Variants in TBC1D2B observed in about 807,000 individuals in gnomAD.
TBC1D2B encodes the protein TBC1 domain family, member 2B.
Under a neutral mutation model 100.8 loss-of-function variants are expected in TBC1D2B, and 64 were observed. The observed-to-expected ratio is 0.64, with a 90% CI of 0.52 to 0.78. The LOEUF is 0.78. Among genes scored for constraint, TBC1D2B ranks in the 30% least tolerant of loss-of-function variants. The pLI is 0.00. For synonymous variants in TBC1D2B, 480 were observed against 479.7 expected, an observed-to-expected ratio of 1.00 and a Z score of -0.01; for missense variants, 1,052 against 1,218.4, an observed-to-expected ratio of 0.86 and a Z score of 2.03.
In TBC1D2B at chr15:77,996,660, T is replaced by C. The variant is rs1191489541; in HGVS notation, c.*1500A>G. On this transcript the variant is annotated 3_prime_UTR_variant, in exon 13 of 13. Transcript: ENST00000300584. ...CACGAAGCCGGAGCTCACTCTAGCA[T>C]GTGCTGAAACACCAACTTTGCCGTG... The C allele has an allele frequency of 1.3e-5, 2 of 152,394 alleles. No homozygotes were observed. Among genetic ancestry groups the C allele is most frequent in the East Asian group, 3.9e-4 (2 of 5,190 alleles). The allele number at this position is 152,394 out of a possible 1,614,324, so 9.4% of individuals were successfully genotyped here.
chr15:78,070,917 G>A (rs188711266), intron 1 of TBC1D2B, among the ~76,000 whole-genome samples: 361 of 152,310 alleles, frequency 2.4e-3, no homozygotes, highest in Non-Finnish European at 3.7e-3. Flanking sequence ...CTGTTTCCTG[G>A]GTTCAAGCAA....
intron 3 of TBC1D2B, among the ~76,000 whole-genome samples, chr15:78,040,896 A>AAGAGAGAGAGAG (rs2073079232): frequency 6.9e-6 from 1 of 145,334 alleles, no homozygotes; most frequent in East Asian, 2.1e-4. Context: ...GAGAGAGAGA[A>AAGAGAGAGAGAG]AGAAAGAAAG....
intron 10 of TBC1D2B, among the ~76,000 whole-genome samples, chr15:78,007,594 C>T (rs934232999): frequency 1.3e-5 from 2 of 152,286 alleles, no homozygotes; most frequent in East Asian, 3.9e-4. Context: ...ATGCAAAGAA[C>T]ACTTGCTCAG....
At position 78,013,250 on chromosome 15, in the gene TBC1D2B, C is replaced by A. The variant is rs913797491; in HGVS notation, c.1843G>T (p.Val615Phe). The A allele has an allele frequency of 1.2e-6, 2 of 1,613,874 alleles. No individual in the cohort carries two copies. Among genetic ancestry groups the A allele is most frequent in the Non-Finnish European group, 1.7e-6 (2 of 1,179,900 alleles). Residue 615 changes from valine to phenylalanine, a missense_variant, in exon 9 of 13, where the codon GTC (valine) becomes TTC (phenylalanine). Transcript: ENST00000300584. Reference sequence around the variant, plus strand: ...AGAGTCTTCAGATCCAACGCGCGGACCTTGGCAACCAATTTCTCTTCCTCA... The same window carrying A: ...AGAGTCTTCAGATCCAACGCGCGGAACTTGGCAACCAATTTCTCTTCCTCA... ...DDEEEKLVAK[V>F]RALDLKTLYL...
rs144284088 is a variant in TBC1D2B at position 77,998,221 on chromosome 15, C to A, written c.2831G>T (p.Arg944Leu). Residue 944 changes from arginine (R) to leucine (L), a missense_variant, in exon 13 of 13, where the codon CGT becomes CTT. Arg to Leu is a moderately radical substitution (Grantham distance 102, BLOSUM62 -2). Coordinates refer to ENST00000300584, the MANE Select transcript of TBC1D2B (RefSeq NM_144572.2). Reference protein sequence around the residue: ...ELEAIREDFLRERDTSPDKGE... With the variant: ...ELEAIREDFLLERDTSPDKGE... ...CTTGTCAGGGCTGGTGTCCCGCTCA[C>A]GCAGGAAGTCCTCACGGATGGCCTC... 6.4e-7 allele frequency: 1 copy of A among 1,570,586 alleles called. No individual in the cohort carries two copies. Among genetic ancestry groups the A allele is most frequent in the Non-Finnish European group, 8.6e-7 (1 of 1,158,448 alleles).
chr15:78,038,177 G>A (rs1011786751), intron 3 of TBC1D2B, among the ~76,000 whole-genome samples: 3 of 152,202 alleles, frequency 2.0e-5, no homozygotes, highest in African/African-American at 7.2e-5. Context: ...CACCCACCAT[G>A]AGCCAGGCAG....
chr15:78,046,726 C>T (rs1451701727), intron 2 of TBC1D2B, among the ~76,000 whole-genome samples: 1 of 152,078 alleles, frequency 6.6e-6, no homozygotes, highest in East Asian at 1.9e-4. Context: ...TCCACCTTGG[C>T]GTCCCAAAGT....
At chr15:78,068,476 G>A (rs2073696893) in intron 1 of TBC1D2B, among the ~76,000 whole-genome samples, 1 of 151,776 alleles carries the variant, frequency 6.6e-6, no homozygotes, top group Admixed American at 6.6e-5. Context: ...AACAGGTGCT[G>A]GGATCCTCTA....
intron 1 of TBC1D2B, among the ~76,000 whole-genome samples, chr15:78,073,366 T>C (rs747298369): frequency 2.0e-5 from 3 of 152,290 alleles, no homozygotes; most frequent in East Asian, 1.9e-4. Context: ...GAAAAACATA[T>C]GATAATAGAA....
chr15:78,048,255 G>C (rs1236977439), intron 2 of TBC1D2B, among the ~76,000 whole-genome samples: 6 of 152,192 alleles, frequency 3.9e-5, no homozygotes, highest in African/African-American at 1.4e-4. Context: ...CTCTTTTCCA[G>C]CTTAATACAT....
intron 11 of TBC1D2B, 66 bp downstream of exon 11, chr15:78,003,239 G>T (rs566378639): frequency 1.3e-6 from 2 of 1,486,348 alleles, no homozygotes; most frequent in Non-Finnish European, 1.9e-6. Flanking sequence ...CCGCTCTACC[G>T]CCACCAACGC....
At chr15:78,023,434 T>C (rs942206027) in intron 6 of TBC1D2B, among the ~76,000 whole-genome samples, 3 of 152,144 alleles carry the variant, frequency 2.0e-5, no homozygotes, top group Non-Finnish European at 4.4e-5. Context: ...CTCTGAATCA[T>C]TAGGCTTCTC....
In TBC1D2B at chr15:78,025,588, G is replaced by A. The variant is rs547285234; in HGVS notation, c.848-91C>T. On this transcript the variant is annotated intron_variant, in intron 4 of 12. Transcript: ENST00000300584. ...GTCGCCCAGGCTGGAGTGCAGTGGCGCAATGTCGGCTCACTGTAAGCTCCG... is the reference window on the plus strand; with the variant it reads ...GTCGCCCAGGCTGGAGTGCAGTGGCACAATGTCGGCTCACTGTAAGCTCCG... 5.5e-5 allele frequency: 52 copies of A among 943,252 alleles called. 1 individual carries two copies. The South Asian group carries it at 6.4e-4, about 12-fold the overall frequency. The allele number at this position is 943,252 out of a possible 1,614,324, so 58.4% of individuals were successfully genotyped here. A position where few individuals can be genotyped will look rare whatever the true frequency, so the allele number is the denominator to read the frequency against.
intron 10 of TBC1D2B, 58 bp downstream of exon 10, chr15:78,008,939 T>C: frequency 8.0e-7 from 1 of 1,246,886 alleles, no homozygotes; most frequent in South Asian, 1.3e-5. Flanking sequence ...TTAATTCAGG[T>C]CACATTTCAG....
chr15:78,062,135 C>T (rs776666297), intron 1 of TBC1D2B, among the ~76,000 whole-genome samples: 6 of 152,162 alleles, frequency 3.9e-5, no homozygotes, highest in African/African-American at 7.2e-5. Context: ...CCCTGCAAGC[C>T]GTCTCCAGGC....
intron 3 of TBC1D2B, among the ~76,000 whole-genome samples, chr15:78,033,655 A>G (rs1304698040): frequency 6.6e-6 from 1 of 152,242 alleles, no homozygotes; most frequent in Non-Finnish European, 1.5e-5. Flanking sequence ...TATTGGAGGT[A>G]AATTATAACT....
At chr15:78,013,765 G>C (rs2072298204) in intron 8 of TBC1D2B, among the ~76,000 whole-genome samples, 1 of 152,108 alleles carries the variant, frequency 6.6e-6, no homozygotes, top group Admixed American at 6.5e-5. Context: ...AAGCTATTAG[G>C]GATAAGGATG....
chr15:78,001,631 A>G lies in TBC1D2B; in HGVS notation c.2684T>C (p.Ile895Thr). 6.2e-7 allele frequency: 1 copy of G among 1,609,666 alleles called. No homozygotes were observed. Among genetic ancestry groups the G allele is most frequent in the Non-Finnish European group, 8.5e-7 (1 of 1,178,032 alleles). Residue 895 changes from isoleucine (I) to threonine (T), a missense_variant, in exon 12 of 13, where the codon ATC becomes ACC. Around this residue, in one of 4 missense-constraint regions of TBC1D2B, gnomAD observed 373 missense variants for 464.9 expected, o/e 0.80. Coordinates refer to ENST00000300584, the MANE Select transcript of TBC1D2B (RefSeq NM_144572.2). ...CCCCAGGACTCACCTAGCATCAAGG[A>G]TAGTGCGAGTGAAGTAGCGGAGATA... ...FKYLRYFTRTILDARKLISIS... is the reference protein window; with the variant it reads ...FKYLRYFTRTTLDARKLISIS...
At position 77,997,072 on chromosome 15, in the gene TBC1D2B, C is replaced by G. The variant is rs1483986287; in HGVS notation, c.*1088G>C. 2 of 152,360 alleles carry G rather than the reference C, an allele frequency of 1.3e-5. No homozygotes were observed. The highest frequency in any genetic ancestry group is 6.5e-5 in the Admixed American group (1 of 15,292). The allele number at this position is 152,360 out of a possible 1,614,324, so 9.4% of individuals were successfully genotyped here. ...GGGCACACATCTGGGAGAGCTCACC[C>G]AAGCCTGCCCCAAGCAAAAAAGTTT... On this transcript the variant is annotated 3_prime_UTR_variant, in exon 13 of 13. Coordinates refer to ENST00000300584, the MANE Select transcript of TBC1D2B (RefSeq NM_144572.2).
Sources: gnomAD v4.1 joint callset for allele counts (sites outside exome capture counted in the v4.1 genomes callset) on GRCh38, gnomAD v4.1.1 for gene constraint, gnomAD v4.1.1 regional missense constraint, MANE v1.5 for transcripts, NCBI Gene and HGNC (gene_info 2026-07-23, HGNC 2026-07-21) for gene names.